Variants in NTRK2 observed in about 807,000 individuals in gnomAD.
The protein encoded by NTRK2 is neurotrophic receptor tyrosine kinase 2.
In NTRK2, 13 loss-of-function variants were observed where a neutral mutation model predicts 94.5. That is an observed-to-expected ratio of 0.14 (90% CI 0.09 to 0.22). The LOEUF (loss-of-function observed/expected upper bound fraction) is 0.22. Among genes scored for constraint, NTRK2 ranks in the 10% least tolerant of loss-of-function variants. NTRK2 has a pLI of 1.00. For missense variants in NTRK2, 639 were observed against 1,071.2 expected, an observed-to-expected ratio of 0.60 and a Z score of 5.63; for synonymous variants, 372 against 407.4, an observed-to-expected ratio of 0.91 and a Z score of 1.05.
intron 12 of NTRK2, among the ~76,000 whole-genome samples, chr9:84,805,721 A>G (rs562785677): frequency 6.6e-6 from 1 of 152,330 alleles, no homozygotes; most frequent in East Asian, 1.9e-4. Flanking sequence ...TTTAAGAAAT[A>G]ATTGGGTCAT....
intron 14 of NTRK2, among the ~76,000 whole-genome samples, chr9:84,881,823 G>A (rs1284333088): frequency 1.3e-5 from 2 of 152,140 alleles, no homozygotes; most frequent in East Asian, 3.8e-4. Flanking sequence ...AGTAATTTGT[G>A]TTTTGAGAAT....
intron 12 of NTRK2, among the ~76,000 whole-genome samples, chr9:84,848,608 A>G (rs2074591795): frequency 1.3e-5 from 2 of 152,200 alleles, no homozygotes; most frequent in Non-Finnish European, 1.5e-5. Context: ...CTTTAATGAA[A>G]ACTTATGAGA....
chr9:84,927,398 A>T (rs7042458), intron 14 of NTRK2, among the ~76,000 whole-genome samples: 22,196 of 152,096 alleles, frequency 0.15, 2,433 homozygotes, highest in African/African-American at 0.3. Context: ...GAAAGATATA[A>T]GTACATGGGT....
intron 17 of NTRK2, among the ~76,000 whole-genome samples, chr9:85,018,017 A>T (rs1372506222): frequency 1.3e-5 from 2 of 150,198 alleles, no homozygotes; most frequent in Non-Finnish European, 3.0e-5. Context: ...CATCTTACCC[A>T]TTTTTTTTTG....
At chr9:84,855,581 A>ATTT (rs377152273) in intron 12 of NTRK2, among the ~76,000 whole-genome samples, 16 of 133,716 alleles carry the variant, frequency 1.2e-4, no homozygotes, top group African/African-American at 3.8e-4. Context: ...CCTCAAGCAT[A>ATTT]TTTTTTTTTT....
At chr9:84,982,218 C>T (rs1827709014) in intron 17 of NTRK2, among the ~76,000 whole-genome samples, 1 of 152,170 alleles carries the variant, frequency 6.6e-6, no homozygotes, top group Admixed American at 6.5e-5. Flanking sequence ...TTTTAGGAAA[C>T]CCACCTATGC....
intron 14 of NTRK2, among the ~76,000 whole-genome samples, chr9:84,914,225 A>G (rs1458028038): frequency 6.6e-6 from 1 of 151,396 alleles, no homozygotes; most frequent in Non-Finnish European, 1.5e-5. Context: ...ACTATTTTTT[A>G]TTTGTTTAAA....
At chr9:84,844,625 G>T (rs925600452) in intron 12 of NTRK2, among the ~76,000 whole-genome samples, 7 of 145,496 alleles carry the variant, frequency 4.8e-5, no homozygotes, top group African/African-American at 1.8e-4. Context: ...AAATGCAAAT[G>T]AAAACTACAA....
intron 12 of NTRK2, among the ~76,000 whole-genome samples, chr9:84,770,089 A>T (rs1313803448): frequency 2.0e-5 from 3 of 150,318 alleles, no homozygotes; most frequent in African/African-American, 7.4e-5. Context: ...CGCACCTGGA[A>T]CCTTGTTCAG....
chr9:84,789,294 C>G (rs1233343175), intron 12 of NTRK2, among the ~76,000 whole-genome samples: 2 of 152,176 alleles, frequency 1.3e-5, no homozygotes. Flanking sequence ...TGTGAAATGG[C>G]TGAGCTGCTG....
At position 84,955,200 on chromosome 9, in the gene NTRK2, A is replaced by C. The variant is rs530055903; in HGVS notation, c.1938-83A>C. 1.8e-5 allele frequency: 21 copies of C among 1,145,784 alleles called. No homozygotes were observed. The East Asian group carries it at 5.4e-4, about 29-fold the overall frequency. 71.0% of individuals were successfully genotyped at this position (1,145,784 alleles called of 1,614,324 possible). On this transcript the variant is annotated intron_variant, in intron 16 of 18. Transcript: ENST00000277120. ...GGGTGGGGGTGAGGAGCTTAGCAAG[A>C]GGGACGGGGAGGGGCAGGGGCAAAG...
intron 12 of NTRK2, among the ~76,000 whole-genome samples, chr9:84,833,554 A>G (rs956014141): frequency 6.6e-6 from 1 of 151,840 alleles, no homozygotes; most frequent in Non-Finnish European, 1.5e-5. Flanking sequence ...GAAAGAAAAA[A>G]GAAGGAAGAA....
chr9:84,844,645 TCACTCACACACACACA>T (rs1294575508), intron 12 of NTRK2, among the ~76,000 whole-genome samples: 28 of 101,726 alleles, frequency 2.8e-4, no homozygotes, highest in Admixed American at 2.7e-3. Flanking sequence ...ATGTAATACC[TCACTCACACACACACA>T]CACACACACA....
intron 2 of NTRK2, among the ~76,000 whole-genome samples, chr9:84,685,113 G>T (rs2059628634): frequency 1.3e-5 from 2 of 149,398 alleles, no homozygotes; most frequent in South Asian, 2.1e-4. Flanking sequence ...TAAAGCTTTT[G>T]TCTATCTAAA....
At chr9:84,868,657 A>G (rs1412306286) in intron 14 of NTRK2, among the ~76,000 whole-genome samples, 2 of 152,204 alleles carry the variant, frequency 1.3e-5, no homozygotes, top group Admixed American at 1.3e-4. Context: ...TAATCTTAAT[A>G]CTGTCATTGT....
At chr9:84,893,895 A>T (rs925427152) in intron 14 of NTRK2, among the ~76,000 whole-genome samples, 6 of 152,188 alleles carry the variant, frequency 3.9e-5, no homozygotes, top group African/African-American at 1.4e-4. Flanking sequence ...AACAAGAAAC[A>T]GGTCACCCTA....
At chr9:84,814,887 T>G (rs2072220648) in intron 12 of NTRK2, 1 of 1,061,892 alleles carries the variant, frequency 9.4e-7, no homozygotes, top group African/African-American at 1.6e-5. Context: ...AGGAAATTAG[T>G]ACAGAAGTAA....
chr9:84,673,315 C>T (rs2131299597), intron 2 of NTRK2, among the ~76,000 whole-genome samples: 1 of 152,302 alleles, frequency 6.6e-6, no homozygotes, highest in South Asian at 2.1e-4. Flanking sequence ...CTTTTTCTTA[C>T]ATATTAATAT....
intron 12 of NTRK2, among the ~76,000 whole-genome samples, chr9:84,777,130 T>C (rs952445311): frequency 6.6e-6 from 1 of 152,194 alleles, no homozygotes; most frequent in African/African-American, 2.4e-5. Context: ...GGGCATTCAG[T>C]TAAGCCCCTT....
Sources: gnomAD v4.1 joint callset for allele counts (sites outside exome capture counted in the v4.1 genomes callset) on GRCh38, gnomAD v4.1.1 for gene constraint, MANE v1.5 for transcripts, NCBI Gene and HGNC (gene_info 2026-07-23, HGNC 2026-07-21) for gene names.